The following FRAS1 variants were observed in gnomAD, a reference collection of about 807,000 sequenced individuals.
FRAS1 encodes extracellular matrix organizing protein FRAS1.
A neutral mutation model predicts 435.2 loss-of-function variants in FRAS1; 290 were observed. The observed-to-expected ratio is 0.67, with a 90% CI of 0.61 to 0.73. The LOEUF (loss-of-function observed/expected upper bound fraction) is 0.73, where lower values mean the gene tolerates loss of function less well. FRAS1 is among the 30% of genes least tolerant of loss of function. FRAS1 has a pLI of 0.00. For missense variants in FRAS1, 4,860 were observed against 5,001.5 expected (o/e 0.97, Z 0.85); for synonymous variants, 1,800 against 1,851.0 (o/e 0.97, Z 0.71).
rs556329062 is a variant in FRAS1, at chr4:78,246,854, CAT to C, written c.309+1530_309+1531del. Among the ~76,000 whole-genome samples, 3 of 152,260 alleles carry C rather than the reference CAT, an allele frequency of 2.0e-5. No homozygotes were observed. The East Asian group carries it at 5.8e-4, about 29-fold the overall frequency. On this transcript the variant is annotated intron_variant, in intron 4 of 73. Transcript: ENST00000512123. ...ACACTAATGACATCATATGCTCTCT[CAT>C]GTCATGTGTGTGCACATGTGCAGTC...
chr4:78,461,198 T>G (rs1719359494), intron 47 of FRAS1, among the ~76,000 whole-genome samples: 1 of 152,244 alleles, frequency 6.6e-6, no homozygotes, highest in Admixed American at 6.5e-5. Context: ...TTTTCAGTGG[T>G]AAGTCTATGA....
intron 18 of FRAS1, among the ~76,000 whole-genome samples, chr4:78,327,604 A>G (rs1477585178): frequency 6.6e-6 from 1 of 152,158 alleles, no homozygotes; most frequent in Non-Finnish European, 1.5e-5. Context: ...CAGCTCACTT[A>G]TGCTTTTTCA....
intron 32 of FRAS1, among the ~76,000 whole-genome samples, chr4:78,416,635 C>T (rs951925061): frequency 7.2e-5 from 11 of 152,082 alleles, no homozygotes; most frequent in African/African-American, 2.7e-4. Flanking sequence ...TGTGCTGGAG[C>T]AGAGTGAGTG....
intron 14 of FRAS1, among the ~76,000 whole-genome samples, chr4:78,301,757 TAAATCCCATTTCTCA>T (rs1362341277): frequency 6.6e-6 from 1 of 151,836 alleles, no homozygotes; most frequent in Admixed American, 6.6e-5. Context: ...TCCTTCTCTG[TAAATCCCATTTCTCA>T]AAAGCTTCTG....
chr4:78,281,935 A>G (rs1482837659), intron 11 of FRAS1, among the ~76,000 whole-genome samples: 2 of 152,334 alleles, frequency 1.3e-5, no homozygotes, highest in Admixed American at 6.5e-5. Flanking sequence ...TCTGATCTCA[A>G]GACGGGTCCG....
At chr4:78,321,977 A>G (rs1222185883) in intron 18 of FRAS1, among the ~76,000 whole-genome samples, 4 of 152,192 alleles carry the variant, frequency 2.6e-5, no homozygotes, top group Non-Finnish European at 4.4e-5. Context: ...ATTATTAGAT[A>G]TCATACATAT....
chr4:78,476,805 A>G (rs1402185785), intron 54 of FRAS1, among the ~76,000 whole-genome samples: 3 of 152,164 alleles, frequency 2.0e-5, no homozygotes, highest in African/African-American at 7.2e-5. Flanking sequence ...ATATACTAAT[A>G]ATTTTCTGTT....
rs1406952324 is a variant in FRAS1, at chr4:78,114,503, C to T, written c.108+48487C>T. 1.3e-4 allele frequency among the ~76,000 whole-genome samples: 19 copies of T among 147,006 alleles called. 1 individual carries two copies. The highest frequency in any genetic ancestry group is 1.2e-3 in the Admixed American group (18 of 14,454). ...CATTTGTTTGTATCCTCTTTTATTT[C>T]ATTGAGCAGTGGTTTGTAGTTCTCT... is the stretch of plus-strand genomic sequence containing the variant. On this transcript the variant is annotated intron_variant, in intron 2 of 73. Coordinates refer to ENST00000512123, the MANE Select transcript of FRAS1 (RefSeq NM_025074.7).
At chr4:78,335,532 G>A (rs774900247) in intron 19 of FRAS1, among the ~76,000 whole-genome samples, 1 of 152,160 alleles carries the variant, frequency 6.6e-6, no homozygotes, top group Non-Finnish European at 1.5e-5. Context: ...ATATTTGAGC[G>A]GGTGAAGGAA....
chr4:78,234,608 A>G (rs1724666671), intron 2 of FRAS1, among the ~76,000 whole-genome samples: 1 of 152,228 alleles, frequency 6.6e-6, no homozygotes, highest in Non-Finnish European at 1.5e-5. Flanking sequence ...GTAATGTGCT[A>G]TAGCAATAAA....
At chr4:78,115,716 C>T (rs1243292365) in intron 2 of FRAS1, among the ~76,000 whole-genome samples, 2 of 152,010 alleles carry the variant, frequency 1.3e-5, no homozygotes, top group Non-Finnish European at 2.9e-5. Context: ...TGATTCTTCT[C>T]TCTTTTCTTC....
At chr4:78,413,253 A>G (rs568160685) in intron 32 of FRAS1, among the ~76,000 whole-genome samples, 168 bp downstream of exon 32, 36 of 152,296 alleles carry the variant, frequency 2.4e-4, no homozygotes, top group Admixed American at 4.6e-4. Flanking sequence ...TGAAAAAGGA[A>G]CTTAAAATTC....
intron 6 of FRAS1, among the ~76,000 whole-genome samples, chr4:78,258,532 C>T (rs1381624432): frequency 4.0e-5 from 6 of 151,058 alleles, no homozygotes; most frequent in African/African-American, 1.5e-4. Flanking sequence ...GAATTTAGTG[C>T]CATGGAGGAG....
intron 2 of FRAS1, among the ~76,000 whole-genome samples, chr4:78,149,920 T>G (rs1477830171): frequency 6.6e-6 from 1 of 152,174 alleles, no homozygotes; most frequent in Non-Finnish European, 1.5e-5. Context: ...TGTGTTTTTG[T>G]GTTCACCAAA....
Position 78,479,680 on chromosome 4 carries a change from C to G in FRAS1, c.8405C>G (p.Ser2802Cys). 1 of 1,604,456 alleles carries G rather than the reference C, an allele frequency of 6.2e-7. No individual in the cohort carries two copies. Among genetic ancestry groups the G allele is most frequent in the Non-Finnish European group, 8.5e-7 (1 of 1,173,708 alleles). ...ISGPNDASTV[S>C]LGNTAFTVSE... The stretch of plus-strand genomic sequence containing the variant: ...GGTCCCAACGATGCCTCGACTGTGT[C>G]CCTGGGCAACACGGCTTTCACTGTC... The change falls in exon 56 of 74, where the codon TCC (serine) becomes TGC (cysteine). Residue 2802 changes from serine to cysteine, a missense_variant. Ser to Cys is a moderately radical substitution (Grantham distance 112). Transcript: ENST00000512123.
intron 2 of FRAS1, among the ~76,000 whole-genome samples, chr4:78,182,898 A>G (rs868103596): frequency 0.027 from 1,442 of 54,404 alleles, 22 homozygotes; most frequent in African/African-American, 0.17. Context: ...GAAAAAAAGA[A>G]AAAAAAAAAT....
chr4:78,205,191 CT>C (rs33943058), intron 2 of FRAS1, among the ~76,000 whole-genome samples: 34,405 of 138,718 alleles, frequency 0.25, 3,894 homozygotes, highest in Non-Finnish European at 0.31. Flanking sequence ...TCTTTCCTTC[CT>C]TTTTTTTTTT....
At chr4:78,429,538 A>G (rs1734130550) in intron 36 of FRAS1, among the ~76,000 whole-genome samples, 1 of 152,188 alleles carries the variant, frequency 6.6e-6, no homozygotes, top group African/African-American at 2.4e-5. Context: ...GGGGAGCAGG[A>G]TTTCAATGGC....
chr4:78,257,367 A>AT (rs1282072348), intron 6 of FRAS1, among the ~76,000 whole-genome samples: 1 of 152,166 alleles, frequency 6.6e-6, no homozygotes, highest in East Asian at 1.9e-4. Flanking sequence ...CACCTGCCTA[A>AT]TAATAACCAT....
Sources: allele counts gnomAD v4.1 joint callset (sites outside exome capture counted in the v4.1 genomes callset), GRCh38; gene constraint gnomAD v4.1.1; transcripts MANE v1.5; gene names NCBI Gene and HGNC (gene_info 2026-07-23, HGNC 2026-07-21).